The following HCRTR2 variants were observed in gnomAD, a reference collection of about 807,000 sequenced individuals.
HCRTR2 encodes hypocretin receptor 2.
HCRTR2 carries 22 observed loss-of-function variants against 49.0 expected under a neutral mutation model. The observed-to-expected ratio is 0.45, with a 90% confidence interval of 0.32 to 0.64. HCRTR2 has a LOEUF of 0.64. Among genes scored for constraint, HCRTR2 ranks in the 30% least tolerant of loss-of-function variants. The probability of loss-of-function intolerance (pLI) is 0.04; values close to 1 mark genes in which losing one functional copy is unlikely to be tolerated. For synonymous variants in HCRTR2, 236 were observed against 205.3 expected (o/e 1.15, Z -1.28); for missense variants, 491 against 559.4 (o/e 0.88, Z 1.23).
chr6:55,126,796 G>C (rs1764284829), intron 1 of HCRTR2, among the ~76,000 whole-genome samples: 1 of 151,940 alleles, frequency 6.6e-6, no homozygotes, highest in Admixed American at 6.6e-5. Flanking sequence ...AAATCTGGCA[G>C]TTTGCAGCCT....
chr6:55,142,203 T>G (rs964240959), intron 1 of HCRTR2, among the ~76,000 whole-genome samples: 43 of 150,362 alleles, frequency 2.9e-4, no homozygotes, highest in African/African-American at 1.0e-3. Context: ...AAAAAAAAAT[T>G]TTTTTTTTTT....
intron 1 of HCRTR2, among the ~76,000 whole-genome samples, chr6:55,233,845 G>C (rs1011189239): frequency 1.3e-5 from 2 of 152,148 alleles, no homozygotes; most frequent in African/African-American, 4.8e-5. Flanking sequence ...TATTTAGTAA[G>C]TTAAACATGT....
chr6:55,180,869 G>A lies in HCRTR2; in HGVS notation c.223+6059G>A, dbSNP rs970322156. ...GACTGGGGTGCAGTGGCACAATCTCGTCTCACTGCTGCCTCCACCTCCTGG... is the reference window on the plus strand; with the variant it reads ...GACTGGGGTGCAGTGGCACAATCTCATCTCACTGCTGCCTCCACCTCCTGG... On this transcript the variant is annotated intron_variant, in intron 1 of 6. Transcript: ENST00000370862. Among the ~76,000 whole-genome samples the A allele has an allele frequency of 4.6e-5, 7 of 151,258 alleles. No individual in the cohort carries two copies. The East Asian group carries it at 1.4e-3, about 29-fold the overall frequency.
chr6:55,117,016 G>T (rs1013270094), intron 1 of HCRTR2, among the ~76,000 whole-genome samples: 2 of 151,718 alleles, frequency 1.3e-5, no homozygotes, highest in African/African-American at 4.8e-5. Flanking sequence ...GAGAACCAAT[G>T]AAAAACCTAC....
At chr6:55,148,581 G>A (rs577558892) in intron 1 of HCRTR2, among the ~76,000 whole-genome samples, 45 of 152,198 alleles carry the variant, frequency 3.0e-4, no homozygotes, top group Admixed American at 4.6e-4. Context: ...TAGCCTGCAG[G>A]AAAGCTGCTG....
At position 55,282,415 on chromosome 6, in the gene HCRTR2, C is replaced by T. The variant is rs532272998; in HGVS notation, c.1296C>T (p.Leu432=). Residue 432 remains leucine, a synonymous_variant, in exon 7 of 7, where the codon CTC becomes CTT. Transcript: ENST00000370862. The part of the protein sequence containing the change: ...EQVVLTSIST[L]PAANGAGPLQ... ...TTGTGCTCACTAGCATAAGCACACTCCCAGCAGCCAATGGAGCAGGACCAC... is the reference window on the plus strand; with the variant it reads ...TTGTGCTCACTAGCATAAGCACACTTCCAGCAGCCAATGGAGCAGGACCAC... 2.5e-6 allele frequency: 4 copies of T among 1,609,950 alleles called. No individual in the cohort carries two copies. The highest frequency in any genetic ancestry group is 1.1e-5 in the South Asian group (1 of 90,994).
At chr6:55,218,302 C>CA (rs1162686837) in intron 1 of HCRTR2, among the ~76,000 whole-genome samples, 1 of 151,760 alleles carries the variant, frequency 6.6e-6, no homozygotes, top group African/African-American at 2.4e-5. Flanking sequence ...GATGTCACTA[C>CA]AAAAAAATTA....
intron 1 of HCRTR2, among the ~76,000 whole-genome samples, chr6:55,212,005 A>G (rs1765704691): frequency 6.6e-6 from 1 of 152,166 alleles, no homozygotes; most frequent in South Asian, 2.1e-4. Flanking sequence ...CTTCTCTAAA[A>G]GTAAGTGCTC....
intron 3 of HCRTR2, among the ~76,000 whole-genome samples, chr6:55,258,510 T>C (rs763771253): frequency 6.6e-6 from 1 of 152,160 alleles, no homozygotes; most frequent in Non-Finnish European, 1.5e-5. Context: ...AAACTAATTA[T>C]ATTCATTATT....
At chr6:55,124,038 T>C (rs761264249) in intron 1 of HCRTR2, among the ~76,000 whole-genome samples, 1 of 151,852 alleles carries the variant, frequency 6.6e-6, no homozygotes, top group Non-Finnish European at 1.5e-5. Context: ...TGTCTAGCAG[T>C]CTATTTTGTT....
At chr6:55,282,157 A>G in intron 6 of HCRTR2, 68 bp from the exon 7 acceptor site, 2 of 1,115,880 alleles carry the variant, frequency 1.8e-6, no homozygotes, top group South Asian at 1.3e-5. Context: ...ACTCAGTTGT[A>G]CCCTATTCAT....
At chr6:55,274,743 A>G (rs1165749483) in intron 4 of HCRTR2, among the ~76,000 whole-genome samples, 1 of 152,166 alleles carries the variant, frequency 6.6e-6, no homozygotes, top group East Asian at 1.9e-4. Flanking sequence ...ATTTAATTTG[A>G]TAACATATTT....
At chr6:55,228,913 CT>C (rs1369320771) in intron 1 of HCRTR2, among the ~76,000 whole-genome samples, 1 of 151,798 alleles carries the variant, frequency 6.6e-6, no homozygotes, top group Non-Finnish European at 1.5e-5. Context: ...CTTTTCAGCA[CT>C]TTTTTTTGGG....
chr6:55,174,298 C>G (rs201824178), upstream of HCRTR2: 9 of 464,826 alleles, frequency 1.9e-5, no homozygotes, highest in Non-Finnish European at 3.2e-5. Context: ...CTGAGCCGGA[C>G]GTAGCTTTCT....
chr6:55,253,194 GCACACACACACA>G, intron 2 of HCRTR2, among the ~76,000 whole-genome samples: 1 of 148,798 alleles, frequency 6.7e-6, no homozygotes, highest in Admixed American at 6.8e-5. Context: ...ACTTCATTTA[GCACACACACACA>G]CACACACACA....
intron 1 of HCRTR2, among the ~76,000 whole-genome samples, chr6:55,199,151 G>T (rs1765467286): frequency 6.6e-6 from 1 of 152,066 alleles, no homozygotes; most frequent in South Asian, 2.1e-4. Flanking sequence ...TGAGAAATGG[G>T]TATTGTAATG....
At position 55,262,423 on chromosome 6, in the gene HCRTR2, ATAT is replaced by A. The variant is rs1356807738; in HGVS notation, c.647-1281_647-1279del. On this transcript the variant is annotated intron_variant, in intron 3 of 6. Transcript: ENST00000370862. ...TATAATGTATTATATGTTATATATA[ATAT>A]TACATATAAATATCTATTAATATAT... is the stretch of plus-strand genomic sequence containing the variant. Among the ~76,000 whole-genome samples the A allele has an allele frequency of 9.8e-5, 13 of 132,034 alleles. No individual in the cohort carries two copies. The South Asian group carries it at 2.6e-3, about 27-fold the overall frequency. The allele number at this position is 132,034 out of a possible 152,430, so 86.6% of individuals were successfully genotyped here.
intron 1 of HCRTR2, among the ~76,000 whole-genome samples, chr6:55,142,169 A>G (rs1279585512): frequency 6.6e-6 from 1 of 152,134 alleles, no homozygotes; most frequent in Non-Finnish European, 1.5e-5. Context: ...GGCATTTGTC[A>G]GAGTACTTTT....
intron 1 of HCRTR2, among the ~76,000 whole-genome samples, chr6:55,221,616 A>G (rs189994165): frequency 2.6e-5 from 4 of 152,056 alleles, no homozygotes; most frequent in Non-Finnish European, 5.9e-5. Flanking sequence ...GATCGAGACC[A>G]TCCTGGCTAA....
Sources: allele counts gnomAD v4.1 joint callset (sites outside exome capture counted in the v4.1 genomes callset), GRCh38; gene constraint gnomAD v4.1.1; transcripts MANE v1.5; gene names NCBI Gene and HGNC (gene_info 2026-07-23, HGNC 2026-07-21).